Variants in THRB observed in about 807,000 individuals in gnomAD.
THRB encodes thyroid hormone receptor beta, also known as nuclear receptor subfamily 1 group A member 2.
THRB carries 12 observed loss-of-function variants against 47.8 expected under a neutral mutation model. The observed-to-expected ratio is 0.25, with a 90% confidence interval of 0.16 to 0.41. THRB has a LOEUF of 0.41. Among genes scored for constraint, THRB ranks in the 10% least tolerant of loss-of-function variants. The pLI is 1.00. For synonymous variants in THRB, 218 were observed against 212.2 expected (o/e 1.03, Z -0.24); for missense variants, 348 against 589.2 (o/e 0.59, Z 4.24).
chr3:24,485,030 C>T (rs1249605052), intron 1 of THRB, among the ~76,000 whole-genome samples: 1 of 152,094 alleles, frequency 6.6e-6, no homozygotes, highest in Non-Finnish European at 1.5e-5. Context: ...AAATAAAATC[C>T]CCATCAGTTA....
chr3:24,434,785 G>C (rs2070774883), intron 1 of THRB, among the ~76,000 whole-genome samples: 1 of 152,172 alleles, frequency 6.6e-6, no homozygotes, highest in Non-Finnish European at 1.5e-5. Context: ...TGCAAATGCA[G>C]AGAGGCTTCC....
intron 4 of THRB, among the ~76,000 whole-genome samples, chr3:24,207,654 C>A (rs2045542240): frequency 6.6e-6 from 1 of 152,062 alleles, no homozygotes; most frequent in South Asian, 2.1e-4. Flanking sequence ...GTGCAGAAAC[C>A]CCAAAGCCAG....
chr3:24,135,360 G>A (rs142453239), intron 8 of THRB, among the ~76,000 whole-genome samples: 120 of 152,220 alleles, frequency 7.9e-4, no homozygotes, highest in Admixed American at 2.0e-3. Context: ...AACAAATGCT[G>A]GCAGCATTTA....
At chr3:24,128,300 T>C (rs1005648203) in intron 9 of THRB, among the ~76,000 whole-genome samples, 1 of 152,126 alleles carries the variant, frequency 6.6e-6, no homozygotes, top group Non-Finnish European at 1.5e-5. Flanking sequence ...GGCCCAGAGA[T>C]ATAAGCTTCA....
intron 1 of THRB, among the ~76,000 whole-genome samples, chr3:24,443,634 TA>T (rs1208154861): frequency 6.6e-6 from 1 of 152,106 alleles, no homozygotes; most frequent in Non-Finnish European, 1.5e-5. Flanking sequence ...GGTCCAAGAA[TA>T]AAAAGATGAT....
At chr3:24,351,696 G>C (rs1389621366) in intron 1 of THRB, among the ~76,000 whole-genome samples, 2 of 152,156 alleles carry the variant, frequency 1.3e-5, no homozygotes, top group South Asian at 2.1e-4. Context: ...AGTCAGAGCA[G>C]AGACAGGAGA....
At chr3:24,462,482 G>A (rs761447914) in intron 1 of THRB, among the ~76,000 whole-genome samples, 89 of 152,180 alleles carry the variant, frequency 5.8e-4, no homozygotes, top group Non-Finnish European at 1.1e-3. Flanking sequence ...ACGTATTGCC[G>A]AGGTCATAGC....
In THRB at chr3:24,252,238, A is replaced by G. The variant is rs555128385; in HGVS notation, c.-42-23237T>C. ...TTAAGCCCATCAGATATGAAAGCAT[A>G]GTATAATGCCTTAGTAATTAAAACA... On this transcript the variant is annotated intron_variant, in intron 3 of 10. Coordinates refer to ENST00000646209, the MANE Select transcript of THRB (RefSeq NM_001354712.2). Among the ~76,000 whole-genome samples the G allele has an allele frequency of 3.9e-5, 6 of 152,276 alleles. No homozygotes were observed. The South Asian group carries it at 1.2e-3, about 32-fold the overall frequency.
rs188027493 is a variant in THRB, at chr3:24,354,367, C to A, written c.-260-16996G>T. Among the ~76,000 whole-genome samples the A allele has an allele frequency of 1.4e-3, 214 of 152,190 alleles. 2 individuals carry two copies. Among genetic ancestry groups the A allele is most frequent in the South Asian group, 3.1e-3 (15 of 4,818 alleles). The stretch of plus-strand genomic sequence containing the variant: ...ACAAATCTGAACTTGTACCCTTGAA[C>A]TTAAGATAAAAGTTAAAAAAAAGTT... On this transcript the variant is annotated intron_variant, in intron 1 of 10. Transcript: ENST00000646209.
At chr3:24,222,373 G>T (rs1470559981) in intron 4 of THRB, among the ~76,000 whole-genome samples, 1 of 152,192 alleles carries the variant, frequency 6.6e-6, no homozygotes, top group Non-Finnish European at 1.5e-5. Flanking sequence ...ACATATCGAG[G>T]AAGTGGAGAG....
chr3:24,178,226 T>C (rs969960559), intron 5 of THRB, among the ~76,000 whole-genome samples: 3 of 152,350 alleles, frequency 2.0e-5, no homozygotes, highest in South Asian at 2.1e-4. Context: ...GTTTGGAAGA[T>C]TGAAAACTAT....
In THRB at chr3:24,433,179, T is replaced by C. The variant is rs149562575; in HGVS notation, c.-261+61473A>G. 5.3e-5 allele frequency among the ~76,000 whole-genome samples: 8 copies of C among 152,250 alleles called. No individual in the cohort carries two copies. In the East Asian group the frequency reaches 1.5e-3, roughly 29 times the overall value. ...TGGGAATAATAACAATACCTATCTGTAGTGGGTTAAATAATGACCTCCCAA... is the reference window on the plus strand; with the variant it reads ...TGGGAATAATAACAATACCTATCTGCAGTGGGTTAAATAATGACCTCCCAA... On this transcript the variant is annotated intron_variant, in intron 1 of 10. Transcript: ENST00000646209.
chr3:24,240,461 C>T (rs1479517747), intron 3 of THRB, among the ~76,000 whole-genome samples: 2 of 152,188 alleles, frequency 1.3e-5, no homozygotes, highest in Non-Finnish European at 2.9e-5. Context: ...GGAAATTACA[C>T]GGATGCCAAC....
intron 5 of THRB, among the ~76,000 whole-genome samples, chr3:24,161,879 C>G (rs1227185727): frequency 1.6e-5 from 2 of 126,296 alleles, no homozygotes; most frequent in Non-Finnish European, 3.2e-5. Flanking sequence ...ACAGGAAATT[C>G]TTATTCTCTT....
intron 1 of THRB, 86 bp downstream of exon 1, chr3:24,494,566 C>G (rs1290887657): frequency 6.6e-6 from 1 of 152,226 alleles, no homozygotes; most frequent in Non-Finnish European, 1.5e-5. Flanking sequence ...CTTAGCCGCC[C>G]GCACCCCTCC....
chr3:24,267,837 C>T (rs1576419739), intron 3 of THRB, among the ~76,000 whole-genome samples: 1 of 152,262 alleles, frequency 6.6e-6, no homozygotes, highest in East Asian at 1.9e-4. Context: ...CTGCAACACC[C>T]CATGCTGTGG....
At chr3:24,154,493 TGAAGG>T (rs1367317757) in intron 5 of THRB, among the ~76,000 whole-genome samples, 1 of 151,930 alleles carries the variant, frequency 6.6e-6, no homozygotes, top group Admixed American at 6.6e-5. Context: ...GAGGTGAAAA[TGAAGG>T]GAAGAACATG....
At chr3:24,477,601 T>C (rs74892081) in intron 1 of THRB, among the ~76,000 whole-genome samples, 4,783 of 152,078 alleles carry the variant, frequency 0.031, 166 homozygotes, top group African/African-American at 0.081. Flanking sequence ...TCTGAGGAGA[T>C]TGAGAGGAAC....
chr3:24,144,390 T>G (rs571189163), intron 7 of THRB: 4 of 153,260 alleles, frequency 2.6e-5, no homozygotes, highest in East Asian at 1.9e-4. Flanking sequence ...TGAATTCTGA[T>G]ATTATTACAT....
Sources: gnomAD v4.1 joint callset for allele counts (sites outside exome capture counted in the v4.1 genomes callset) on GRCh38, gnomAD v4.1.1 for gene constraint, MANE v1.5 for transcripts, NCBI Gene and HGNC (gene_info 2026-07-23, HGNC 2026-07-21) for gene names.